The following CLEC2D variants were observed in gnomAD, a reference collection of about 807,000 sequenced individuals.
CLEC2D encodes the protein C-type lectin domain family 2 member D.
CLEC2D carries 16 observed loss-of-function variants against 20.0 expected under a neutral mutation model. The observed-to-expected ratio is 0.80, with a 90% confidence interval of 0.54 to 1.22. The LOEUF (loss-of-function observed/expected upper bound fraction) is 1.22. Ranked by LOEUF, CLEC2D falls within the 50% of genes most tolerant of loss-of-function variation. The pLI, the probability that CLEC2D is intolerant of heterozygous loss-of-function variation, is 0.00. For missense variants in CLEC2D, 207 were observed against 221.5 expected (o/e 0.93, Z 0.42); for synonymous variants, 77 against 71.1 (o/e 1.08, Z -0.42).
chr12:9,672,374 A>G (rs1471110576), intron 1 of CLEC2D, among the ~76,000 whole-genome samples: 1 of 152,196 alleles, frequency 6.6e-6, no homozygotes, highest in Non-Finnish European at 1.5e-5. Flanking sequence ...CTCTAACATC[A>G]ACATTCTTCA....
At chr12:9,670,680 G>A (rs1245097618) in intron 1 of CLEC2D, among the ~76,000 whole-genome samples, 1 of 152,194 alleles carries the variant, frequency 6.6e-6, no homozygotes, top group Non-Finnish European at 1.5e-5. Flanking sequence ...TATTTAGTTA[G>A]ACTGGATCTT....
In CLEC2D at chr12:9,694,976, G is replaced by T; in HGVS notation, c.*102G>T. 1.5e-6 allele frequency: 1 copy of T among 659,034 alleles called. No homozygotes were observed. The allele number at this position is 659,034 out of a possible 1,614,324, so 40.8% of individuals were successfully genotyped here. ...TTATTTCTTATACCAACAGGTATATGAAAATATGCTCAATATCACTAATAA... is the reference window on the plus strand; with the variant it reads ...TTATTTCTTATACCAACAGGTATATTAAAATATGCTCAATATCACTAATAA... On this transcript the variant is annotated 3_prime_UTR_variant, in exon 5 of 5. Coordinates refer to ENST00000290855, the MANE Select transcript of CLEC2D (RefSeq NM_013269.6).
At chr12:9,692,468 G>A (rs970068191) in intron 3 of CLEC2D, among the ~76,000 whole-genome samples, 2 of 152,000 alleles carry the variant, frequency 1.3e-5, no homozygotes, top group African/African-American at 4.8e-5. Flanking sequence ...AGCATATCCT[G>A]GGGCCTAAAA....
chr12:9,689,292 C>G (rs1865816317), intron 3 of CLEC2D, among the ~76,000 whole-genome samples: 2 of 152,120 alleles, frequency 1.3e-5, no homozygotes, highest in Non-Finnish European at 2.9e-5. Context: ...CCATGCACAA[C>G]AGAGAATAAA....
At chr12:9,690,341 C>T (rs895078872) in intron 3 of CLEC2D, among the ~76,000 whole-genome samples, 1 of 152,046 alleles carries the variant, frequency 6.6e-6, no homozygotes, top group African/African-American at 2.4e-5. Flanking sequence ...TACCAGTAGA[C>T]ATGTGCTACA....
rs1362948202 is a variant in CLEC2D at position 9,695,383 on chromosome 12, G to A, written c.*509G>A. 1.3e-5 allele frequency: 19 copies of A among 1,463,550 alleles called. No individual in the cohort carries two copies. Among genetic ancestry groups the A allele is most frequent in the African/African-American group, 8.6e-5 (6 of 69,704 alleles). 90.7% of individuals were successfully genotyped at this position (1,463,550 alleles called of 1,614,324 possible). On this transcript the variant is annotated 3_prime_UTR_variant, in exon 5 of 5. Coordinates refer to ENST00000290855, the MANE Select transcript of CLEC2D (RefSeq NM_013269.6). The stretch of plus-strand genomic sequence containing the variant: ...CCTACCTAAGTGTGTGTCGCCACCC[G>A]ATGGAAGATTCGATGGACATGGACA...
rs981816460 is a variant in CLEC2D, at chr12:9,695,855, CTGATGATGATGATGATGAAGATGA to C, written c.*997_*1020del. The C allele has an allele frequency of 1.0e-5, 10 of 988,746 alleles. No individual in the cohort carries two copies. The highest frequency in any genetic ancestry group is 9.5e-5 in the East Asian group (4 of 42,064). 61.2% of individuals were successfully genotyped at this position (988,746 alleles called of 1,614,324 possible). On this transcript the variant is annotated 3_prime_UTR_variant, in exon 5 of 5. Transcript: ENST00000290855. Reference sequence around the variant, plus strand: ...AAAAAAGTAAAACTTGCTGCTGCTGCTGATGATGATGATGATGAAGATGATGATGATGATGATGACGAGGAAGCT... The same window carrying C: ...AAAAAAGTAAAACTTGCTGCTGCTGCTGATGATGATGATGACGAGGAAGCT...
At chr12:9,674,504 T>C (rs1865485088) in intron 1 of CLEC2D, among the ~76,000 whole-genome samples, 1 of 152,232 alleles carries the variant, frequency 6.6e-6, no homozygotes, top group African/African-American at 2.4e-5. Flanking sequence ...TTCATCTCAC[T>C]GGGAGCTTCA....
In CLEC2D at chr12:9,699,357, A is replaced by G. The variant is rs757719300; in HGVS notation, c.*4483A>G. The G allele has an allele frequency of 6.6e-6, 1 of 152,336 alleles. No homozygotes were observed. Among genetic ancestry groups the G allele is most frequent in the East Asian group, 1.9e-4 (1 of 5,188 alleles). 9.4% of individuals were successfully genotyped at this position (152,336 alleles called of 1,614,324 possible). A position where few individuals can be genotyped will look rare whatever the true frequency, so the allele number is the denominator to read the frequency against. On this transcript the variant is annotated 3_prime_UTR_variant, in exon 5 of 5. Coordinates refer to ENST00000290855, the MANE Select transcript of CLEC2D (RefSeq NM_013269.6). ...TCTTAATGGAAAGACACTTCTGTAT[A>G]CACTGGAAATCTCAGGAAATTTCTT...
chr12:9,690,984 TAAAAAG>T lies in CLEC2D; in HGVS notation c.358-1838_358-1833del, dbSNP rs916193082. ...AAGTTGGCTAAAAACTAAAATAAAT[TAAAAAG>T]AAAAACAAGACTCATCTACATGCTG... On this transcript the variant is annotated intron_variant, in intron 3 of 4. Transcript: ENST00000290855. 7.2e-5 allele frequency among the ~76,000 whole-genome samples: 11 copies of T among 151,864 alleles called. No homozygotes were observed. The South Asian group carries it at 1.2e-3, about 17-fold the overall frequency.
intron 3 of CLEC2D, 55 bp downstream of exon 3, chr12:9,688,141 T>A: frequency 6.9e-7 from 1 of 1,457,920 alleles, no homozygotes; most frequent in Non-Finnish European, 9.0e-7. Flanking sequence ...GGATATGTTT[T>A]CCTGTGAAAT....
At position 9,697,556 on chromosome 12, in the gene CLEC2D, T is replaced by C. The variant is rs1469771894; in HGVS notation, c.*2682T>C. ...CTCTATATTTCTGTGTGTGTGTCTT[T>C]AGTTCCTCTGGCGCTGCTGGGTTAG... On this transcript the variant is annotated 3_prime_UTR_variant, in exon 5 of 5. Transcript: ENST00000290855. 3 of 151,884 alleles carry C rather than the reference T, an allele frequency of 2.0e-5. No homozygotes were observed. Among genetic ancestry groups the C allele is most frequent in the Non-Finnish European group, 4.4e-5 (3 of 68,024 alleles). The allele number at this position is 151,884 out of a possible 1,614,324, so 9.4% of individuals were successfully genotyped here.
intron 1 of CLEC2D, among the ~76,000 whole-genome samples, chr12:9,675,258 A>G (rs1236562528): frequency 4.7e-5 from 7 of 147,748 alleles, no homozygotes; most frequent in African/African-American, 1.7e-4. Context: ...CAGTGGCGCA[A>G]TCTCGGCTCA....
intron 2 of CLEC2D, among the ~76,000 whole-genome samples, chr12:9,684,279 T>C (rs1865707492): frequency 6.6e-6 from 1 of 152,238 alleles, no homozygotes; most frequent in Non-Finnish European, 1.5e-5. Context: ...TTTAAGGGGA[T>C]GAGACAATGG....
At chr12:9,676,590 G>A (rs1026975326) in intron 1 of CLEC2D, among the ~76,000 whole-genome samples, 1 of 152,004 alleles carries the variant, frequency 6.6e-6, no homozygotes, top group African/African-American at 2.4e-5. Flanking sequence ...TTTTGTTAAG[G>A]TTTTGCATCT....
In CLEC2D at chr12:9,697,356, CTA is replaced by C. The variant is rs1866020813; in HGVS notation, c.*2484_*2485del. ...TCCTGCTGCAGTTAACTAGCCCAAT[CTA>C]TTCCTTTAATTCGGCCCATCCCTTC... On this transcript the variant is annotated 3_prime_UTR_variant, in exon 5 of 5. Coordinates refer to ENST00000290855, the MANE Select transcript of CLEC2D (RefSeq NM_013269.6). The C allele has an allele frequency of 6.6e-6, 1 of 152,228 alleles. No individual in the cohort carries two copies. Among genetic ancestry groups the C allele is most frequent in the Non-Finnish European group, 1.5e-5 (1 of 68,046 alleles). The allele number at this position is 152,228 out of a possible 1,614,324, so 9.4% of individuals were successfully genotyped here.
At position 9,695,511 on chromosome 12, in the gene CLEC2D, T is replaced by G. The variant is rs1865962616; in HGVS notation, c.*637T>G. Reference sequence around the variant, plus strand: ...AATGATGAAAATGAGACCAGTTATCTTTAAGAACGGTCAGCTCAGGGGCTG... The same window carrying G: ...AATGATGAAAATGAGACCAGTTATCGTTAAGAACGGTCAGCTCAGGGGCTG... On this transcript the variant is annotated 3_prime_UTR_variant, in exon 5 of 5. Transcript: ENST00000290855. 3 of 1,259,394 alleles carry G rather than the reference T, an allele frequency of 2.4e-6. No homozygotes were observed. In the South Asian group the frequency reaches 3.6e-5, roughly 15 times the overall value. 78.0% of individuals were successfully genotyped at this position (1,259,394 alleles called of 1,614,324 possible).
chr12:9,671,209 A>G (rs1489789436), intron 1 of CLEC2D, among the ~76,000 whole-genome samples: 3 of 151,902 alleles, frequency 2.0e-5, no homozygotes, highest in African/African-American at 7.3e-5. Context: ...AACTGAATGG[A>G]AAGGATTGAC....
At chr12:9,689,740 A>G (rs139579827) in intron 3 of CLEC2D, among the ~76,000 whole-genome samples, 128 of 152,244 alleles carry the variant, frequency 8.4e-4, no homozygotes, top group African/African-American at 2.7e-3. Context: ...TAAAAACTCA[A>G]TGAAGAAGTT....
Sources: allele counts gnomAD v4.1 joint callset (sites outside exome capture counted in the v4.1 genomes callset), GRCh38; gene constraint gnomAD v4.1.1; transcripts MANE v1.5; gene names NCBI Gene and HGNC (gene_info 2026-07-23, HGNC 2026-07-21).